PRICKLE2: variants seen among roughly 807,000 people sequenced by gnomAD.
The protein encoded by PRICKLE2 is prickle planar cell polarity protein 2.
PRICKLE2 carries 21 observed loss-of-function variants against 81.4 expected under a neutral mutation model. The observed-to-expected ratio is 0.26, with a 90% CI of 0.18 to 0.37. The LOEUF is 0.37. Ranked by LOEUF, PRICKLE2 falls within the 10% of genes least tolerant of loss-of-function variation. PRICKLE2 has a pLI of 1.00. For missense variants in PRICKLE2, 940 were observed against 1,109.0 expected (o/e 0.85, Z 2.16); for synonymous variants, 456 against 421.5 (o/e 1.08, Z -1.00).
chr3:64,186,481 G>A (rs762662479), intron 2 of PRICKLE2, among the ~76,000 whole-genome samples: 21 of 152,096 alleles, frequency 1.4e-4, no homozygotes, highest in Non-Finnish European at 2.4e-4. Context: ...AGAAGTTATC[G>A]GAGGCCAGCA....
At chr3:64,244,541 A>G (rs1192111308) in intron 2 of PRICKLE2, among the ~76,000 whole-genome samples, 1 of 149,890 alleles carries the variant, frequency 6.7e-6, no homozygotes, top group African/African-American at 2.4e-5. Flanking sequence ...GATGTTGGCC[A>G]CTAGGTGATG....
At chr3:64,100,157 T>C in intron 7 of PRICKLE2, 1 of 563,274 alleles carries the variant, frequency 1.8e-6, no homozygotes, top group South Asian at 2.2e-5. Flanking sequence ...AGATGTATTT[T>C]ACCAGTTACT....
chr3:64,120,081 G>A (rs1479658628), intron 7 of PRICKLE2, among the ~76,000 whole-genome samples: 1 of 152,236 alleles, frequency 6.6e-6, no homozygotes, highest in African/African-American at 2.4e-5. Flanking sequence ...AGGAAGCAAG[G>A]TTTGAAAATC....
rs910624393 is a variant in PRICKLE2, at chr3:64,147,971, A to C, written c.788-269T>G. Among the ~76,000 whole-genome samples the C allele has an allele frequency of 2.0e-5, 3 of 152,234 alleles. No homozygotes were observed. Among genetic ancestry groups the C allele is most frequent in the African/African-American group, 7.2e-5 (3 of 41,450 alleles). On this transcript the variant is annotated intron_variant, in intron 6 of 7. Coordinates refer to ENST00000638394, the MANE Select transcript of PRICKLE2 (RefSeq NM_198859.4). The surrounding 1 kb of genome is among the most constrained non-coding windows in gnomAD (Gnocchi z 5.0). ...GTCTATGAATCCTTCTGCCTGGGAC[A>C]CATTTCCCCCTGACAAATAGCAATA...
chr3:64,153,981 G>A (rs1444506431), intron 5 of PRICKLE2: 2 of 153,612 alleles, frequency 1.3e-5, no homozygotes, highest in Non-Finnish European at 2.9e-5. Flanking sequence ...CCAATATAGA[G>A]TTTTTAAAAT....
chr3:64,203,133 T>C (rs2078618728), intron 1 of PRICKLE2, among the ~76,000 whole-genome samples: 1 of 152,186 alleles, frequency 6.6e-6, no homozygotes, highest in Non-Finnish European at 1.5e-5. Flanking sequence ...GCTTGTCAGA[T>C]TCCCCCACTT....
intron 2 of PRICKLE2, among the ~76,000 whole-genome samples, chr3:64,255,828 T>C (rs1246566535): frequency 6.6e-6 from 1 of 152,176 alleles, no homozygotes; most frequent in Admixed American, 6.5e-5. Flanking sequence ...GTAGTAGCAT[T>C]GGGTGAGACA....
chr3:64,225,164 A>G lies in PRICKLE2; in HGVS notation c.-295T>C, dbSNP rs573803516. ...CTGCTGGATCCAGACTCTGCTGGGG[A>G]ATTCACCAAGCAAGAGAAAAAAAGT... On this transcript the variant is annotated 5_prime_UTR_variant, in exon 1 of 8. Transcript: ENST00000638394. 3 of 985,384 alleles carry G rather than the reference A, an allele frequency of 3.0e-6. No individual in the cohort carries two copies. The African/African-American group carries it at 5.2e-5, about 17-fold the overall frequency. 61.0% of individuals were successfully genotyped at this position (985,384 alleles called of 1,614,324 possible). A position where few individuals can be genotyped will look rare whatever the true frequency, so the allele number is the denominator to read the frequency against.
intron 7 of PRICKLE2, 51 bp downstream of exon 7, chr3:64,146,779 C>T (rs1330323988): frequency 7.5e-6 from 12 of 1,601,604 alleles, no homozygotes; most frequent in Non-Finnish European, 1.0e-5. Flanking sequence ...AGCATCCAGT[C>T]ACCCAGAGAC....
intron 7 of PRICKLE2, among the ~76,000 whole-genome samples, chr3:64,114,618 T>C (rs77653722): frequency 2.0e-5 from 3 of 150,580 alleles, no homozygotes; most frequent in African/African-American, 7.3e-5. Context: ...GAGAAAAGAA[T>C]CTCAGAGCTT....
intron 7 of PRICKLE2, among the ~76,000 whole-genome samples, chr3:64,127,835 G>C (rs1434676475): frequency 6.6e-6 from 1 of 151,612 alleles, no homozygotes; most frequent in Non-Finnish European, 1.5e-5. Flanking sequence ...TCTCTCTCTT[G>C]GTCCCATTTT....
At chr3:64,146,550 C>T (rs1448596561) in intron 7 of PRICKLE2, 8 of 371,146 alleles carry the variant, frequency 2.2e-5, no homozygotes, top group South Asian at 5.3e-5. Context: ...GAGAACATCC[C>T]GGCTAACACG....
At chr3:64,239,858 T>A (rs1010254828) in intron 2 of PRICKLE2, among the ~76,000 whole-genome samples, 2 of 145,650 alleles carry the variant, frequency 1.4e-5, no homozygotes, top group Non-Finnish European at 3.0e-5. Context: ...CTCATGCCTG[T>A]AATCCCAGTA....
intron 2 of PRICKLE2, among the ~76,000 whole-genome samples, chr3:64,267,690 C>T (rs1230876713): frequency 6.6e-6 from 1 of 152,162 alleles, no homozygotes; most frequent in Non-Finnish European, 1.5e-5. Flanking sequence ...AAAGTGGCTG[C>T]GCGAAAGGTG....
At chr3:64,163,167 C>G (rs1232973790) in intron 2 of PRICKLE2, 38 bp from the exon 3 acceptor site, 2 of 1,247,176 alleles carry the variant, frequency 1.6e-6, no homozygotes, top group South Asian at 2.4e-5. Context: ...TTGCCCATTA[C>G]TCAAACCATG....
intron 6 of PRICKLE2, among the ~76,000 whole-genome samples, chr3:64,152,360 G>C (rs1304933131): frequency 6.6e-6 from 1 of 152,200 alleles, no homozygotes; most frequent in African/African-American, 2.4e-5. Context: ...CAAGGTGCCA[G>C]AAAAGGCAAG....
chr3:64,149,158 G>A (rs2077504104), intron 6 of PRICKLE2, among the ~76,000 whole-genome samples: 1 of 152,186 alleles, frequency 6.6e-6, no homozygotes, highest in South Asian at 2.1e-4. Context: ...AGCCCCAGGG[G>A]TTCTGCCTTC....
chr3:64,104,054 C>A (rs1178200600), intron 7 of PRICKLE2, among the ~76,000 whole-genome samples: 1 of 152,092 alleles, frequency 6.6e-6, no homozygotes, highest in Non-Finnish European at 1.5e-5. Context: ...ATTGGATATG[C>A]CTATAAAGAA....
At chr3:64,152,538 G>C (rs953038294) in intron 6 of PRICKLE2, among the ~76,000 whole-genome samples, 5 of 151,952 alleles carry the variant, frequency 3.3e-5, no homozygotes, top group African/African-American at 1.2e-4. Context: ...CATTTGGCTG[G>C]AGTAGCTTTT....
Sources: allele counts gnomAD v4.1 joint callset (sites outside exome capture counted in the v4.1 genomes callset), GRCh38; gene constraint gnomAD v4.1.1; non-coding constraint Gnocchi (gnomAD v3.1); transcripts MANE v1.5; gene names NCBI Gene and HGNC (gene_info 2026-07-23, HGNC 2026-07-21).